BMPR1B: variants seen among roughly 807,000 people sequenced by gnomAD.
BMPR1B encodes bone morphogenetic protein receptor type 1B, also known as bone morphogenetic protein receptor type-1B.
A neutral mutation model predicts 59.1 loss-of-function variants in BMPR1B; 12 were observed. The observed-to-expected ratio is 0.20, with a 90% CI of 0.13 to 0.33. The LOEUF (loss-of-function observed/expected upper bound fraction) is 0.33, where lower values mean the gene tolerates loss of function less well. BMPR1B is among the 10% of genes least tolerant of loss of function. BMPR1B has a pLI of 1.00. For synonymous variants in BMPR1B, 237 were observed against 207.3 expected (o/e 1.14, Z -1.23); for missense variants, 550 against 610.9 (o/e 0.90, Z 1.05).
chr4:95,077,659 T>G (rs751047313), intron 3 of BMPR1B, among the ~76,000 whole-genome samples: 56 of 152,292 alleles, frequency 3.7e-4, no homozygotes, highest in Non-Finnish European at 6.9e-4. Flanking sequence ...AATTAGAATT[T>G]AGTAAAGTTA....
chr4:95,021,367 AAGTT>A (rs1425268188), intron 3 of BMPR1B, among the ~76,000 whole-genome samples: 1 of 152,178 alleles, frequency 6.6e-6, no homozygotes, highest in Non-Finnish European at 1.5e-5. Flanking sequence ...GAGTAGCTAT[AAGTT>A]AGAGATTTTA....
chr4:94,908,479 C>T (rs1039601228), intron 2 of BMPR1B, among the ~76,000 whole-genome samples: 2 of 151,828 alleles, frequency 1.3e-5, no homozygotes, highest in African/African-American at 4.8e-5. Context: ...TGCTTTTCAT[C>T]CTAAACTTCT....
At chr4:94,832,286 C>A (rs1724629812) in intron 1 of BMPR1B, among the ~76,000 whole-genome samples, 1 of 152,008 alleles carries the variant, frequency 6.6e-6, no homozygotes, top group African/African-American at 2.4e-5. Context: ...TGTAAGTACA[C>A]TCTATGGTGT....
chr4:94,771,773 C>G (rs1722194207), intron 1 of BMPR1B, among the ~76,000 whole-genome samples: 1 of 152,086 alleles, frequency 6.6e-6, no homozygotes, highest in Non-Finnish European at 1.5e-5. Context: ...ACTACAGTGA[C>G]ATTTTAGTGA....
intron 10 of BMPR1B, among the ~76,000 whole-genome samples, chr4:95,135,905 T>C (rs1215446490): frequency 6.6e-6 from 1 of 152,186 alleles, no homozygotes; most frequent in Admixed American, 6.5e-5. Flanking sequence ...CTATGTCGAA[T>C]AGGAGTGCTG....
In BMPR1B at chr4:95,114,772, G is replaced by A. The variant is rs1176860852; in HGVS notation, c.196G>A (p.Val66Met). 1.9e-6 allele frequency: 3 copies of A among 1,613,730 alleles called. No individual in the cohort carries two copies. Among genetic ancestry groups the A allele is most frequent in the African/African-American group, 2.7e-5 (2 of 74,864 alleles). Residue 66 changes from valine (V) to methionine (M), a missense_variant, in exon 5 of 13, where the codon GTG becomes ATG. Physicochemically the swap from Val to Met is conservative, Grantham distance 21 (BLOSUM62 1). Around this residue, in one of 6 missense-constraint regions of BMPR1B, gnomAD observed 22 missense variants for 66.1 expected, o/e 0.33. Transcript: ENST00000515059. Reference sequence around the variant, plus strand: ...AGAAGAGGATGACTCTGGGTTGCCTGTGGTCACTTCTGGTTGCCTAGGACT... The same window carrying A: ...AGAAGAGGATGACTCTGGGTTGCCTATGGTCACTTCTGGTTGCCTAGGACT... ...MIEEDDSGLP[V>M]VTSGCLGLEG... is the part of the protein sequence containing the mutation.
chr4:95,011,505 T>C (rs1318482631), intron 3 of BMPR1B, among the ~76,000 whole-genome samples: 1 of 152,188 alleles, frequency 6.6e-6, no homozygotes, highest in Non-Finnish European at 1.5e-5. Context: ...GCTGTCGCTC[T>C]AGCTGTCATG....
chr4:95,112,658 G>A lies in BMPR1B; in HGVS notation c.144-2062G>A, dbSNP rs796233900. On this transcript the variant is annotated intron_variant, in intron 4 of 12. Transcript: ENST00000515059. ...CTTTATGAATTTATGGCTTATAGGG[G>A]AAGGGACTATTTTCTCAGGGTCTCC... Among the ~76,000 whole-genome samples, 3 of 152,032 alleles carry A rather than the reference G, an allele frequency of 2.0e-5. No homozygotes were observed. In the South Asian group the frequency reaches 6.2e-4, roughly 31 times the overall value.
chr4:95,151,135 A>C (rs1210065338), intron 11 of BMPR1B, among the ~76,000 whole-genome samples: 1 of 152,220 alleles, frequency 6.6e-6, no homozygotes, highest in Non-Finnish European at 1.5e-5. Context: ...AAGGAGAAGA[A>C]AGACAGAAAG....
intron 1 of BMPR1B, among the ~76,000 whole-genome samples, chr4:94,779,412 A>G (rs1248079530): frequency 6.6e-6 from 1 of 152,236 alleles, no homozygotes. Flanking sequence ...TGCCTTAACT[A>G]GAATATAATA....
At chr4:94,887,403 C>CAAAAAAAAAAAAAAAAAAA (rs57818132) in intron 2 of BMPR1B, among the ~76,000 whole-genome samples, 31 of 54,802 alleles carry the variant, frequency 5.7e-4, no homozygotes, top group Non-Finnish European at 7.3e-4. Flanking sequence ...CACCCCCCAC[C>CAAAAAAAAAAAAAAAAAAA]AAAAAAAAAA....
chr4:94,933,214 C>T (rs1413173507), intron 2 of BMPR1B, among the ~76,000 whole-genome samples: 1 of 151,996 alleles, frequency 6.6e-6, no homozygotes, highest in Non-Finnish European at 1.5e-5. Flanking sequence ...CTGCCATAAT[C>T]TAGGGATTTT....
At chr4:95,021,524 T>A (rs1723979157) in intron 3 of BMPR1B, among the ~76,000 whole-genome samples, 1 of 152,218 alleles carries the variant, frequency 6.6e-6, no homozygotes, top group Non-Finnish European at 1.5e-5. Flanking sequence ...TCTTTCATGA[T>A]GTTAATACAG....
At position 94,845,133 on chromosome 4, in the gene BMPR1B, A is replaced by G. The variant is rs1312246330; in HGVS notation, c.-182-30698A>G. 1.4e-4 allele frequency among the ~76,000 whole-genome samples: 21 copies of G among 152,146 alleles called. 1 individual carries two copies. Among genetic ancestry groups the G allele is most frequent in the Admixed American group, 1.4e-3 (21 of 15,260 alleles). Reference sequence around the variant, plus strand: ...TTGATTAGAATTTTATAAAATAAATATATCATAGATGAAATATTTCGTAGA... The same window carrying G: ...TTGATTAGAATTTTATAAAATAAATGTATCATAGATGAAATATTTCGTAGA... On this transcript the variant is annotated intron_variant, in intron 1 of 12. Coordinates refer to ENST00000515059, the MANE Select transcript of BMPR1B (RefSeq NM_001203.3).
intron 2 of BMPR1B, among the ~76,000 whole-genome samples, chr4:94,953,777 T>A (rs887996338): frequency 6.6e-6 from 1 of 152,212 alleles, no homozygotes; most frequent in African/African-American, 2.4e-5. Context: ...GTGTTCTCTG[T>A]ATTTCCTAAA....
intron 2 of BMPR1B, among the ~76,000 whole-genome samples, chr4:94,920,408 A>G (rs964018167): frequency 6.6e-6 from 1 of 152,168 alleles, no homozygotes; most frequent in African/African-American, 2.4e-5. Context: ...ACCTTTTCCA[A>G]AAGAAGTCCC....
intron 3 of BMPR1B, among the ~76,000 whole-genome samples, chr4:95,052,575 G>C (rs1159195352): frequency 6.6e-6 from 1 of 151,944 alleles, no homozygotes; most frequent in African/African-American, 2.4e-5. Flanking sequence ...TCAGCTTTAT[G>C]TACTTGTGGA....
intron 2 of BMPR1B, among the ~76,000 whole-genome samples, chr4:94,896,156 A>G (rs188285996): frequency 2.0e-5 from 3 of 152,126 alleles, no homozygotes; most frequent in Non-Finnish European, 4.4e-5. Flanking sequence ...TCAAAGGGTG[A>G]AAATGAATAA....
chr4:94,970,892 T>A (rs1288769508), intron 2 of BMPR1B, among the ~76,000 whole-genome samples: 1 of 152,154 alleles, frequency 6.6e-6, no homozygotes, highest in Non-Finnish European at 1.5e-5. Context: ...GCCCTTTAAG[T>A]TACATTTTTT....
Sources: allele counts gnomAD v4.1 joint callset (sites outside exome capture counted in the v4.1 genomes callset), GRCh38; gene constraint gnomAD v4.1.1; regional missense constraint gnomAD v4.1.1; transcripts MANE v1.5; gene names NCBI Gene and HGNC (gene_info 2026-07-23, HGNC 2026-07-21).